The following ATP8B4 variants were observed in gnomAD, a reference collection of about 807,000 sequenced individuals.
ATP8B4 encodes ATPase phospholipid transporting 8B4 (putative).
ATP8B4 carries 133 observed loss-of-function variants against 145.6 expected under a neutral mutation model. That is an observed-to-expected ratio of 0.91 (90% CI 0.79 to 1.05). The LOEUF (loss-of-function observed/expected upper bound fraction) is 1.05. Ranked by LOEUF, ATP8B4 falls within the 50% of genes least tolerant of loss-of-function variation. The pLI, the probability that ATP8B4 is intolerant of heterozygous loss-of-function variation, is 0.00. For synonymous variants in ATP8B4, 507 were observed against 492.9 expected, an observed-to-expected ratio of 1.03 and a Z score of -0.38; for missense variants, 1,458 against 1,425.2, an observed-to-expected ratio of 1.02 and a Z score of -0.37.
At chr15:49,883,435 T>C (rs1356329863) in intron 23 of ATP8B4, 1 of 152,210 alleles carries the variant, frequency 6.6e-6, no homozygotes, top group Non-Finnish European at 1.5e-5. Flanking sequence ...GAGTAAGGTT[T>C]CAATGAGTTT....
At chr15:49,933,433 T>C (rs971702025) in intron 15 of ATP8B4, among the ~76,000 whole-genome samples, 1 of 152,062 alleles carries the variant, frequency 6.6e-6, no homozygotes, top group Non-Finnish European at 1.5e-5. Flanking sequence ...AGCTTCAAAA[T>C]GTTAAGTGGC....
At chr15:49,892,112 T>TA (rs564509918) in intron 23 of ATP8B4, among the ~76,000 whole-genome samples, 2,622 of 115,480 alleles carry the variant, frequency 0.023, 69 homozygotes, top group African/African-American at 0.06. Context: ...AAGACTCACC[T>TA]AAAAAAAAAA....
At chr15:50,057,808 G>A (rs2052714244) in intron 3 of ATP8B4, among the ~76,000 whole-genome samples, 1 of 152,192 alleles carries the variant, frequency 6.6e-6, no homozygotes, top group Admixed American at 6.5e-5. Context: ...CCTAGGAATA[G>A]TAATTTATCT....
intron 14 of ATP8B4, among the ~76,000 whole-genome samples, chr15:49,938,016 T>C (rs563069619): frequency 6.6e-6 from 1 of 152,174 alleles, no homozygotes; most frequent in African/African-American, 2.4e-5. Flanking sequence ...GGCAAGCACG[T>C]TGGACCCGGG....
At chr15:50,042,011 C>T (rs1417943889) in intron 5 of ATP8B4, among the ~76,000 whole-genome samples, 2 of 151,668 alleles carry the variant, frequency 1.3e-5, no homozygotes, top group African/African-American at 2.4e-5. Context: ...AAAAATTAGC[C>T]AGGCGTTGCA....
At chr15:50,084,636 T>C (rs766671110) in intron 2 of ATP8B4, among the ~76,000 whole-genome samples, 3 of 152,202 alleles carry the variant, frequency 2.0e-5, no homozygotes, top group African/African-American at 4.8e-5. Context: ...TATCTTACAG[T>C]TCTGAAAGTC....
chr15:50,079,331 A>G (rs2054393980), intron 2 of ATP8B4, among the ~76,000 whole-genome samples: 1 of 152,230 alleles, frequency 6.6e-6, no homozygotes, highest in African/African-American at 2.4e-5. Context: ...AAGAATGATA[A>G]TCAACCAGAG....
intron 14 of ATP8B4, among the ~76,000 whole-genome samples, chr15:49,958,069 T>C (rs560951137): frequency 6.6e-6 from 1 of 151,682 alleles, no homozygotes; most frequent in Admixed American, 6.6e-5. Flanking sequence ...TATTCTTTTA[T>C]TAACAGTGCA....
At chr15:49,976,163 G>GTA (rs2045641294) in intron 12 of ATP8B4, among the ~76,000 whole-genome samples, 1 of 151,990 alleles carries the variant, frequency 6.6e-6, no homozygotes, top group Admixed American at 6.6e-5. Context: ...ACTATGTAGA[G>GTA]TATGATATGG....
At chr15:49,893,176 A>G (rs1195271842) in intron 23 of ATP8B4, among the ~76,000 whole-genome samples, 2 of 152,240 alleles carry the variant, frequency 1.3e-5, no homozygotes, top group African/African-American at 2.4e-5. Context: ...ATACATGTAT[A>G]TGCATCTTGG....
rs182127596 is a variant in ATP8B4 at position 50,013,757 on chromosome 15, T to C, written c.363-2840A>G. On this transcript the variant is annotated intron_variant, in intron 6 of 27. Coordinates refer to ENST00000284509, the MANE Select transcript of ATP8B4 (RefSeq NM_024837.4). The stretch of plus-strand genomic sequence containing the variant: ...CAAATTTTTTAAAAATATGCCACTA[T>C]ATATCTACTCTCAGAACTCTGAGTT... Among the ~76,000 whole-genome samples the C allele has an allele frequency of 7.7e-4, 118 of 152,262 alleles. 1 individual carries two copies. The highest frequency in any genetic ancestry group is 2.7e-3 in the African/African-American group (113 of 41,558).
At chr15:50,003,962 T>C (rs549236586) in intron 7 of ATP8B4, among the ~76,000 whole-genome samples, 8 of 152,304 alleles carry the variant, frequency 5.3e-5, no homozygotes, top group Non-Finnish European at 8.8e-5. Flanking sequence ...TCCCACAGGC[T>C]GACCCCCATA....
Position 49,860,478 on chromosome 15 carries a change from G to T in ATP8B4, c.3298-3C>A, listed in dbSNP as rs777084139. On this transcript the variant is annotated splice_region_variant and splice_polypyrimidine_tract_variant and intron_variant, in intron 27 of 27. Coordinates refer to ENST00000284509, the MANE Select transcript of ATP8B4 (RefSeq NM_024837.4). ...TGAGCCTTCTGCCACCGGCGGATCT[G>T]GAGAGAAACAGACCCAAAGTGAGAT... 1.2e-6 allele frequency: 2 copies of T among 1,603,042 alleles called. No individual in the cohort carries two copies. Among genetic ancestry groups the T allele is most frequent in the Admixed American group, 3.4e-5 (2 of 58,212 alleles).
chr15:50,054,914 C>G (rs776039899), intron 3 of ATP8B4, among the ~76,000 whole-genome samples: 5 of 151,412 alleles, frequency 3.3e-5, no homozygotes, highest in Admixed American at 3.3e-4. Context: ...AAACAATGTG[C>G]CAAATTCCTT....
At chr15:49,995,812 C>T (rs1163155585) in intron 9 of ATP8B4, among the ~76,000 whole-genome samples, 2 of 152,124 alleles carry the variant, frequency 1.3e-5, no homozygotes, top group South Asian at 2.1e-4. Context: ...CTGGGCCAGA[C>T]TGTCAAGTGG....
At chr15:50,163,255 T>C (rs2044547420) in intron 1 of ATP8B4, among the ~76,000 whole-genome samples, 1 of 152,356 alleles carries the variant, frequency 6.6e-6, no homozygotes, top group South Asian at 2.1e-4. Flanking sequence ...TTTGTACCTG[T>C]CCTTCTTGGG....
chr15:50,014,130 T>C (rs572131438), intron 6 of ATP8B4, among the ~76,000 whole-genome samples: 6 of 152,274 alleles, frequency 3.9e-5, no homozygotes, highest in Admixed American at 2.6e-4. Context: ...ACCAGCAACA[T>C]GGATTCCTGA....
intron 25 of ATP8B4, 141 bp from the exon 26 acceptor site, chr15:49,866,625 C>G (rs2153379337): frequency 1.1e-6 from 1 of 896,950 alleles, no homozygotes; most frequent in East Asian, 2.6e-5. Flanking sequence ...GGCATCCCCA[C>G]TTTCTGAACA....
Position 49,863,225 on chromosome 15 carries a change from A to G in ATP8B4, c.3167-850T>C, listed in dbSNP as rs142475957. 1.8e-4 allele frequency among the ~76,000 whole-genome samples: 27 copies of G among 152,332 alleles called. 1 individual carries two copies. In the East Asian group the frequency reaches 5.0e-3, roughly 28 times the overall value. On this transcript the variant is annotated intron_variant, in intron 26 of 27. Coordinates refer to ENST00000284509, the MANE Select transcript of ATP8B4 (RefSeq NM_024837.4). ...TGTTCACTTGGTTATGAAGTCCTCAAAGTTCCAAGATCAAGAAGGCTCCTG... is the reference window on the plus strand; with the variant it reads ...TGTTCACTTGGTTATGAAGTCCTCAGAGTTCCAAGATCAAGAAGGCTCCTG...
Sources: allele counts gnomAD v4.1 joint callset (sites outside exome capture counted in the v4.1 genomes callset), GRCh38; gene constraint gnomAD v4.1.1; transcripts MANE v1.5; gene names NCBI Gene and HGNC (gene_info 2026-07-23, HGNC 2026-07-21).